The following NUAK1 variants were observed in gnomAD, a reference collection of about 807,000 sequenced individuals.
NUAK1 encodes NUAK family kinase 1.
NUAK1 carries 26 observed loss-of-function variants against 56.9 expected under a neutral mutation model. The ratio of observed to expected loss-of-function variants is 0.46; its 90% CI spans 0.33 to 0.63. The LOEUF (loss-of-function observed/expected upper bound fraction) is 0.63, where lower values mean the gene tolerates loss of function less well. Ranked by LOEUF, NUAK1 falls within the 30% of genes least tolerant of loss-of-function variation. The probability of loss-of-function intolerance (pLI) is 0.02; values close to 1 mark genes in which losing one functional copy is unlikely to be tolerated. For synonymous variants in NUAK1, 337 were observed against 336.0 expected (o/e 1.00, Z -0.03); for missense variants, 727 against 876.1 (o/e 0.83, Z 2.15).
At position 106,072,856 on chromosome 12, in the gene NUAK1, G is replaced by C; in HGVS notation, c.580-13C>G. On this transcript the variant is annotated splice_polypyrimidine_tract_variant and intron_variant, in intron 4 of 6. Coordinates refer to ENST00000261402, the MANE Select transcript of NUAK1 (RefSeq NM_014840.3). ...CAAAGTCAGCAATCTACAAAGAGAA[G>C]CAAGACCCAGGGAGACTTGTTAGCA... 1 of 1,613,708 alleles carries C rather than the reference G, an allele frequency of 6.2e-7. No homozygotes were observed. The highest frequency in any genetic ancestry group is 8.5e-7 in the Non-Finnish European group (1 of 1,179,726).
intron 1 of NUAK1, among the ~76,000 whole-genome samples, chr12:106,128,274 G>C (rs1369450448): frequency 6.6e-6 from 1 of 151,852 alleles, no homozygotes; most frequent in Non-Finnish European, 1.5e-5. Flanking sequence ...TGGGATTACT[G>C]GTGTGCGCCA....
chr12:106,110,351 C>A (rs979015059), intron 1 of NUAK1, among the ~76,000 whole-genome samples: 1 of 152,086 alleles, frequency 6.6e-6, no homozygotes, highest in East Asian at 1.9e-4. Context: ...AGGGAGCCAG[C>A]GCGACTGCTC....
intron 1 of NUAK1, among the ~76,000 whole-genome samples, chr12:106,124,874 G>A (rs982213678): frequency 1.3e-5 from 2 of 152,024 alleles, no homozygotes; most frequent in African/African-American, 4.8e-5. Flanking sequence ...GTGCACACCT[G>A]TAGTCCCAGC....
chr12:106,112,824 C>T lies in NUAK1; in HGVS notation c.241-6299G>A, dbSNP rs2032877450. On this transcript the variant is annotated intron_variant, in intron 1 of 6. Transcript: ENST00000261402. ...TGGTATGTGTAGCTAGGAGCTTTTCCTTCAAAGAGTGGCATCCCCTCACTG... is the reference window on the plus strand; with the variant it reads ...TGGTATGTGTAGCTAGGAGCTTTTCTTTCAAAGAGTGGCATCCCCTCACTG... 1.3e-5 allele frequency among the ~76,000 whole-genome samples: 2 copies of T among 152,222 alleles called. 1 individual carries two copies. Among genetic ancestry groups the T allele is most frequent in the South Asian group, 4.1e-4 (2 of 4,830 alleles).
chr12:106,104,664 G>A (rs2032783067), intron 2 of NUAK1, among the ~76,000 whole-genome samples: 1 of 152,164 alleles, frequency 6.6e-6, no homozygotes, highest in Admixed American at 6.5e-5. Context: ...TGTTTGTGAT[G>A]TAAATAAAAG....
rs2032322782 is a variant in NUAK1, at chr12:106,065,204, G to C, written c.*1598C>G. 2 of 152,212 alleles carry C rather than the reference G, an allele frequency of 1.3e-5. No individual in the cohort carries two copies. The highest frequency in any genetic ancestry group is 4.8e-5 in the African/African-American group (2 of 41,456). 9.4% of individuals were successfully genotyped at this position (152,212 alleles called of 1,614,324 possible). ...AATCTGAAGTCATCCCAGAGACCAGGAAGTACAAACCTAGTATCATGAAGG... is the reference window on the plus strand; with the variant it reads ...AATCTGAAGTCATCCCAGAGACCAGCAAGTACAAACCTAGTATCATGAAGG... On this transcript the variant is annotated 3_prime_UTR_variant, in exon 7 of 7. Transcript: ENST00000261402.
intron 2 of NUAK1, among the ~76,000 whole-genome samples, chr12:106,092,516 C>T (rs529434592): frequency 3.3e-5 from 5 of 152,050 alleles, no homozygotes; most frequent in South Asian, 2.1e-4. Context: ...AATGGAATCA[C>T]GTAGTATACC....
rs1316584364 is a variant in NUAK1 at position 106,079,339 on chromosome 12, C to T, written c.579+4525G>A. Among the ~76,000 whole-genome samples the T allele has an allele frequency of 3.3e-5, 5 of 152,150 alleles. No homozygotes were observed. In the South Asian group the frequency reaches 6.2e-4, roughly 19 times the overall value. ...TCCTTACTATCAAACTCCTACCCAT[C>T]CCTCAAAACCCAATTCAATCCCTCT... On this transcript the variant is annotated intron_variant, in intron 4 of 6. Transcript: ENST00000261402.
At chr12:106,069,432 C>T (rs2032380809) in intron 6 of NUAK1, among the ~76,000 whole-genome samples, 1 of 152,128 alleles carries the variant, frequency 6.6e-6, no homozygotes, top group Non-Finnish European at 1.5e-5. Flanking sequence ...TAAAACAGTG[C>T]TGAAGCACTG....
Position 106,067,279 on chromosome 12 carries a change from G to A in NUAK1, c.1509C>T (p.Ser503=). The change falls in exon 7 of 7, where the codon TCC becomes TCT. Residue 503 remains serine, a synonymous_variant. Transcript: ENST00000261402. This position sits in a 1 kb window ranked among gnomAD's most constrained non-coding sequence, Gnocchi z 6.0. ...CCCTGGCTGGGTCCGGGGGGCTGGG[G>A]GAGGGGATGCTGCTGCCCATCACAT... ...SNDVMGSSIP[S]PSPPDPARVT... 2 of 1,614,144 alleles carry A rather than the reference G, an allele frequency of 1.2e-6. No homozygotes were observed. Among genetic ancestry groups the A allele is most frequent in the South Asian group, 2.2e-5 (2 of 91,080 alleles).
In NUAK1 at chr12:106,066,796, G is replaced by A; in HGVS notation, c.*6C>T. On this transcript the variant is annotated 3_prime_UTR_variant, in exon 7 of 7. Coordinates refer to ENST00000261402, the MANE Select transcript of NUAK1 (RefSeq NM_014840.3). ...ACCCCCGCCCGCCCCTGGGCGCCCT[G>A]GAATGCTAGTTGAGCTTGCTGCAGA... The A allele has an allele frequency of 6.2e-7, 1 of 1,600,344 alleles. No individual in the cohort carries two copies. Among genetic ancestry groups the A allele is most frequent in the Non-Finnish European group, 8.5e-7 (1 of 1,170,666 alleles).
At chr12:106,116,528 T>TTA (rs1476903760) in intron 1 of NUAK1, among the ~76,000 whole-genome samples, 1 of 152,222 alleles carries the variant, frequency 6.6e-6, no homozygotes, top group Non-Finnish European at 1.5e-5. Flanking sequence ...AAAAACATTA[T>TTA]TATTTCTGCC....
chr12:106,089,645 C>T (rs1266633661), intron 2 of NUAK1, among the ~76,000 whole-genome samples: 2 of 152,048 alleles, frequency 1.3e-5, no homozygotes, highest in Admixed American at 1.3e-4. Context: ...AAAAATTAGC[C>T]GGGTGTGGTG....
intron 1 of NUAK1, among the ~76,000 whole-genome samples, chr12:106,117,203 C>G (rs950982160): frequency 2.6e-5 from 4 of 152,202 alleles, no homozygotes; most frequent in African/African-American, 9.7e-5. Context: ...AACAGGCAGG[C>G]ACACAACTCT....
intron 1 of NUAK1, among the ~76,000 whole-genome samples, chr12:106,111,293 C>T (rs1030295457): frequency 4.6e-5 from 7 of 152,166 alleles, no homozygotes; most frequent in Admixed American, 4.6e-4. Flanking sequence ...TCCTCTCCAC[C>T]CCCACACATA....
chr12:106,076,987 TG>T (rs2032470558), intron 4 of NUAK1, among the ~76,000 whole-genome samples: 1 of 152,226 alleles, frequency 6.6e-6, no homozygotes, highest in Non-Finnish European at 1.5e-5. Flanking sequence ...TACCTAAAAC[TG>T]GTAAGTTTGA....
At chr12:106,119,361 C>T (rs1032428417) in intron 1 of NUAK1, among the ~76,000 whole-genome samples, 6 of 152,284 alleles carry the variant, frequency 3.9e-5, no homozygotes, top group African/African-American at 7.2e-5. Context: ...TCCTGTTACC[C>T]AGAAAACACG....
intron 2 of NUAK1, chr12:106,106,071 T>A (rs1247038729): frequency 5.2e-6 from 1 of 194,134 alleles, no homozygotes; most frequent in African/African-American, 2.3e-5. Flanking sequence ...GTATCCACTG[T>A]TATTTGGTCA....
At chr12:106,118,026 T>C (rs764765011) in intron 1 of NUAK1, among the ~76,000 whole-genome samples, 7 of 152,188 alleles carry the variant, frequency 4.6e-5, no homozygotes, top group Non-Finnish European at 1.0e-4. Context: ...TTCTTACCTA[T>C]CCACCCACTA....
Sources: allele counts gnomAD v4.1 joint callset (sites outside exome capture counted in the v4.1 genomes callset), GRCh38; gene constraint gnomAD v4.1.1; non-coding constraint Gnocchi (gnomAD v3.1); transcripts MANE v1.5; gene names NCBI Gene and HGNC (gene_info 2026-07-23, HGNC 2026-07-21).